The following SGK3 variants were observed in gnomAD, a reference collection of about 807,000 sequenced individuals.
SGK3 encodes serum/glucocorticoid regulated kinase family member 3.
Under a neutral mutation model 68.5 loss-of-function variants are expected in SGK3, and 47 were observed. That is an observed-to-expected ratio of 0.69 (90% CI 0.54 to 0.87). SGK3 has a LOEUF of 0.87. SGK3 is among the 40% of genes least tolerant of loss of function. The pLI is 0.00. For synonymous variants in SGK3, 181 were observed against 189.1 expected, an observed-to-expected ratio of 0.96 and a Z score of 0.35; for missense variants, 479 against 575.5, an observed-to-expected ratio of 0.83 and a Z score of 1.72.
intron 1 of SGK3, among the ~76,000 whole-genome samples, chr8:66,726,737 G>A (rs1804993902): frequency 6.8e-6 from 1 of 147,408 alleles, no homozygotes; most frequent in South Asian, 2.1e-4. Flanking sequence ...GGAGTTTGAG[G>A]TTACAGTGAG....
rs536705702 is a variant in SGK3, at chr8:66,759,149, G to A, written c.-121-34467G>A. On this transcript the variant is annotated intron_variant, in intron 1 of 16. Transcript: ENST00000521198. ...CTCCCAGGCTGGAGTGCAGTAGCAC[G>A]ATCTCAGCTCACTGCAACCTCCGCC... 1.7e-3 allele frequency among the ~76,000 whole-genome samples: 251 copies of A among 146,256 alleles called. 2 individuals carry two copies. The highest frequency in any genetic ancestry group is 3.0e-3 in the Non-Finnish European group (204 of 67,182).
At chr8:66,819,396 TAG>T (rs1281028453) in intron 5 of SGK3, among the ~76,000 whole-genome samples, 2 of 152,216 alleles carry the variant, frequency 1.3e-5, no homozygotes, top group African/African-American at 4.8e-5. Context: ...CTGAAAGTTG[TAG>T]AGTTCTAATA....
chr8:66,846,719 G>T (rs980674105), intron 14 of SGK3, among the ~76,000 whole-genome samples: 6 of 152,172 alleles, frequency 3.9e-5, no homozygotes, highest in African/African-American at 1.4e-4. Flanking sequence ...TTTTAATTCT[G>T]CAAAGTACAG....
intron 16 of SGK3, among the ~76,000 whole-genome samples, chr8:66,859,106 G>A (rs1031012587): frequency 1.3e-5 from 2 of 152,170 alleles, no homozygotes; most frequent in Non-Finnish European, 2.9e-5. Context: ...GCTGAGGCAG[G>A]TGAATCACAA....
intron 1 of SGK3, among the ~76,000 whole-genome samples, chr8:66,777,490 T>C (rs1806759179): frequency 6.6e-6 from 1 of 152,232 alleles, no homozygotes; most frequent in Non-Finnish European, 1.5e-5. Flanking sequence ...CTCCATTTTA[T>C]TTATTCCTAG....
chr8:66,845,459 C>T (rs900307669), intron 14 of SGK3, among the ~76,000 whole-genome samples: 3 of 152,070 alleles, frequency 2.0e-5, no homozygotes, highest in African/African-American at 4.8e-5. Flanking sequence ...CTTTCCTACA[C>T]AAAGGAAAGG....
chr8:66,762,787 G>A (rs1806213181), intron 1 of SGK3, among the ~76,000 whole-genome samples: 1 of 152,052 alleles, frequency 6.6e-6, no homozygotes, highest in South Asian at 2.1e-4. Flanking sequence ...AAGAAACCAG[G>A]TCATTTAGCC....
At position 66,796,321 on chromosome 8, in the gene SGK3, ATTTTTTTTTTTT is replaced by A. The variant is rs71249408; in HGVS notation, c.97-2201_97-2190del. Among the ~76,000 whole-genome samples the A allele has an allele frequency of 2.0e-3, 84 of 41,362 alleles. 1 individual carries two copies. The highest frequency in any genetic ancestry group is 2.3e-3 in the Non-Finnish European group (52 of 22,676). 27.1% of individuals were successfully genotyped at this position (41,362 alleles called of 152,430 possible). A position where few individuals can be genotyped will look rare whatever the true frequency, so the allele number is the denominator to read the frequency against. On this transcript the variant is annotated intron_variant, in intron 2 of 16. Coordinates refer to ENST00000521198, the MANE Select transcript of SGK3 (RefSeq NM_001033578.3). ...CCAGCTAATTTTTTGTATTTTTTGT[ATTTTTTTTTTTT>A]TTTTTTTTTTTTTTTTTTTAGAAGG...
chr8:66,808,156 C>G (rs1033354636), intron 4 of SGK3, among the ~76,000 whole-genome samples: 2 of 152,078 alleles, frequency 1.3e-5, no homozygotes, highest in Non-Finnish European at 2.9e-5. Context: ...GTTAGATGCC[C>G]TTGAATGAAT....
chr8:66,761,891 T>C (rs904516873), intron 1 of SGK3, among the ~76,000 whole-genome samples: 3 of 152,242 alleles, frequency 2.0e-5, no homozygotes, highest in African/African-American at 7.2e-5. Context: ...CTGCCCCGTT[T>C]CAACAGTTAG....
At chr8:66,771,635 A>C (rs1447159269) in intron 1 of SGK3, among the ~76,000 whole-genome samples, 1 of 152,212 alleles carries the variant, frequency 6.6e-6, no homozygotes, top group East Asian at 1.9e-4. Context: ...CTTATTCTTG[A>C]GGATTTCTTT....
At chr8:66,833,194 C>A (rs1023634557) in intron 8 of SGK3, among the ~76,000 whole-genome samples, 2 of 151,972 alleles carry the variant, frequency 1.3e-5, no homozygotes, top group Non-Finnish European at 2.9e-5. Context: ...TTAGTGGGGA[C>A]GGGGTTTTAC....
chr8:66,804,278 G>T (rs1585740858), intron 3 of SGK3, 97 bp from the exon 4 acceptor site: 6 of 1,041,832 alleles, frequency 5.8e-6, no homozygotes, highest in Non-Finnish European at 6.8e-6. Context: ...TCTTATGATG[G>T]ATTTTCTTTA....
intron 1 of SGK3, among the ~76,000 whole-genome samples, chr8:66,734,299 A>G (rs1805255452): frequency 7.8e-6 from 1 of 127,470 alleles, no homozygotes; most frequent in Non-Finnish European, 1.6e-5. Flanking sequence ...GATCAGCATG[A>G]TTGGTCATCT....
chr8:66,843,909 G>A (rs977022978), intron 14 of SGK3, among the ~76,000 whole-genome samples: 2 of 144,454 alleles, frequency 1.4e-5, no homozygotes, highest in Non-Finnish European at 3.0e-5. Flanking sequence ...CCCAAGAATC[G>A]CTTGAACCCA....
At chr8:66,763,968 C>T (rs980423881) in intron 1 of SGK3, among the ~76,000 whole-genome samples, 1 of 152,180 alleles carries the variant, frequency 6.6e-6, no homozygotes, top group Non-Finnish European at 1.5e-5. Flanking sequence ...CATCAGGGCT[C>T]AAGTGATCCT....
chr8:66,809,988 GC>G (rs1204340587), intron 4 of SGK3, among the ~76,000 whole-genome samples: 2 of 152,096 alleles, frequency 1.3e-5, no homozygotes, highest in African/African-American at 4.8e-5. Flanking sequence ...AAGCCTCGGT[GC>G]CTTCTATGAC....
intron 3 of SGK3, among the ~76,000 whole-genome samples, chr8:66,800,352 A>T (rs1221270259): frequency 7.6e-5 from 11 of 145,004 alleles, no homozygotes; most frequent in Non-Finnish European, 1.7e-4. Flanking sequence ...AAAAAAAAAA[A>T]GTGGCGGGGG....
chr8:66,766,335 T>A (rs1316627524), intron 1 of SGK3, among the ~76,000 whole-genome samples: 2 of 152,006 alleles, frequency 1.3e-5, no homozygotes, highest in Admixed American at 1.3e-4. Context: ...CCAGCCTGGC[T>A]AACATGGCAA....
Sources: allele counts gnomAD v4.1 joint callset (sites outside exome capture counted in the v4.1 genomes callset), GRCh38; gene constraint gnomAD v4.1.1; transcripts MANE v1.5; gene names NCBI Gene and HGNC (gene_info 2026-07-23, HGNC 2026-07-21).